Variants in GRK3 observed in about 807,000 individuals in gnomAD.
GRK3 encodes G protein-coupled receptor kinase 3, also known as adrenergic, beta, receptor kinase 2.
Under a neutral mutation model 95.7 loss-of-function variants are expected in GRK3, and 54 were observed. The observed-to-expected ratio is 0.56, with a 90% CI of 0.45 to 0.71. The LOEUF is 0.71. Ranked by LOEUF, GRK3 falls within the 30% of genes least tolerant of loss-of-function variation. The pLI, the probability that GRK3 is intolerant of heterozygous loss-of-function variation, is 0.00. For synonymous variants in GRK3, 281 were observed against 290.8 expected (o/e 0.97, Z 0.34); for missense variants, 649 against 851.2 (o/e 0.76, Z 2.96).
Position 25,565,136 on chromosome 22 carries a change from C to T in GRK3, c.96C>T (p.Ile32=). The T allele has an allele frequency of 1.3e-6, 2 of 1,537,770 alleles. No homozygotes were observed. Among genetic ancestry groups the T allele is most frequent in the Non-Finnish European group, 8.7e-7 (1 of 1,145,494 alleles). The change falls in exon 1 of 21, where the codon ATC becomes ATT. Residue 32 remains isoleucine (I), a synonymous_variant. Coordinates refer to ENST00000324198, the MANE Select transcript of GRK3 (RefSeq NM_005160.4). The part of the protein sequence containing the change: ...ATPAARASKR[I]VLPEPSIRSV... ...CGGCCGCCCGCGCCAGCAAGAGGAT[C>T]GTCCTGCCGGAGCCCAGGTACCAGC...
At chr22:25,678,577 C>A (rs1429135608) in intron 8 of GRK3, among the ~76,000 whole-genome samples, 2 of 152,232 alleles carry the variant, frequency 1.3e-5, no homozygotes, top group African/African-American at 4.8e-5. Flanking sequence ...TCTACTTTAT[C>A]ATTTATTTAA....
intron 9 of GRK3, among the ~76,000 whole-genome samples, chr22:25,682,967 A>G (rs2085086122): frequency 6.6e-6 from 1 of 152,234 alleles, no homozygotes; most frequent in South Asian, 2.1e-4. Context: ...TACAAGATTC[A>G]TCTGTGGTGT....
rs370128721 is a variant in GRK3, at chr22:25,599,500, G to A, written c.114-4877G>A. On this transcript the variant is annotated intron_variant, in intron 1 of 20. Coordinates refer to ENST00000324198, the MANE Select transcript of GRK3 (RefSeq NM_005160.4). ...TCAGCTACTCGGGAGGCTGAGGCAG[G>A]AGAATGATGTGAACCCGGGAGGCGG... Among the ~76,000 whole-genome samples, 96 of 151,358 alleles carry A rather than the reference G, an allele frequency of 6.3e-4. 2 individuals are homozygous for A. In the South Asian group the frequency reaches 0.017, roughly 27 times the overall value.
Position 25,695,202 on chromosome 22 carries a change from A to G in GRK3, c.1148A>G (p.Lys383Arg). Residue 383 changes from lysine (K) to arginine (R), a missense_variant, in exon 13 of 21, where the codon AAA (lysine) becomes AGA (arginine). Transcript: ENST00000324198. The part of the protein sequence containing the change: ...DWFSLGCMLF[K>R]LLRGHSPFRQ... ...TTCTCCCTGGGCTGCATGCTTTTCAAACTTCTGAGAGGGTGAGTTGAAATG... is the reference window on the plus strand; with the variant it reads ...TTCTCCCTGGGCTGCATGCTTTTCAGACTTCTGAGAGGGTGAGTTGAAATG... The G allele has an allele frequency of 1.9e-6, 3 of 1,613,828 alleles. No individual in the cohort carries two copies. Among genetic ancestry groups the G allele is most frequent in the East Asian group, 2.2e-5 (1 of 44,878 alleles).
intron 6 of GRK3, 97 bp from the exon 7 acceptor site, chr22:25,672,199 C>CTTAA: frequency 1.7e-6 from 1 of 598,254 alleles, no homozygotes. Context: ...TGACAAGCAA[C>CTTAA]CCAAGTAATG....
At chr22:25,674,734 G>A (rs2085013346) in intron 8 of GRK3, among the ~76,000 whole-genome samples, 1 of 152,172 alleles carries the variant, frequency 6.6e-6, no homozygotes, top group Non-Finnish European at 1.5e-5. Context: ...TGGATCACGA[G>A]GTCAGGAGAT....
At chr22:25,655,708 C>G (rs1052748395) in intron 3 of GRK3, among the ~76,000 whole-genome samples, 1 of 152,096 alleles carries the variant, frequency 6.6e-6, no homozygotes, top group Non-Finnish European at 1.5e-5. Flanking sequence ...TCAGCAAACC[C>G]TGAAGTATCT....
chr22:25,648,281 C>G (rs1180074710), intron 3 of GRK3: 1 of 883,074 alleles, frequency 1.1e-6, no homozygotes, highest in East Asian at 2.4e-5. Flanking sequence ...ATATCACAAC[C>G]AGAGAACAAC....
chr22:25,579,295 T>C (rs1291933681), intron 1 of GRK3, among the ~76,000 whole-genome samples: 1 of 151,224 alleles, frequency 6.6e-6, no homozygotes, highest in African/African-American at 2.4e-5. Context: ...TAAGGGCACA[T>C]GCTACCATGC....
At chr22:25,576,622 C>G (rs1931910165) in intron 1 of GRK3, among the ~76,000 whole-genome samples, 1 of 152,210 alleles carries the variant, frequency 6.6e-6, no homozygotes, top group Admixed American at 6.5e-5. Flanking sequence ...CAGGGAGAAG[C>G]TAATTGCTCA....
intron 2 of GRK3, among the ~76,000 whole-genome samples, chr22:25,607,097 T>C (rs1374821346): frequency 6.6e-6 from 1 of 152,200 alleles, no homozygotes; most frequent in African/African-American, 2.4e-5. Context: ...TGTGTGTGTG[T>C]GTATATATAT....
At chr22:25,658,072 G>A (rs902807649) in intron 3 of GRK3, among the ~76,000 whole-genome samples, 2 of 150,884 alleles carry the variant, frequency 1.3e-5, no homozygotes, top group African/African-American at 2.4e-5. Flanking sequence ...CTTTTTATTC[G>A]TTACATGAAT....
At position 25,710,016 on chromosome 22, in the gene GRK3, C is replaced by A. The variant is rs768488314; in HGVS notation, c.1395+52C>A. The A allele has an allele frequency of 4.6e-6, 6 of 1,313,102 alleles. No individual in the cohort carries two copies. The African/African-American group carries it at 7.2e-5, about 16-fold the overall frequency. The allele number at this position is 1,313,102 out of a possible 1,614,324, so 81.3% of individuals were successfully genotyped here. A position where few individuals can be genotyped will look rare whatever the true frequency, so the allele number is the denominator to read the frequency against. ...ACGGTACTGCCGCCCCGCCCTTACC[C>A]GCTCATCTCTGTCTCAGTTTCTGTC... On this transcript the variant is annotated intron_variant, in intron 16 of 20. Coordinates refer to ENST00000324198, the MANE Select transcript of GRK3 (RefSeq NM_005160.4).
At chr22:25,715,926 T>C (rs1265928003) in intron 18 of GRK3, among the ~76,000 whole-genome samples, 1 of 152,198 alleles carries the variant, frequency 6.6e-6, no homozygotes, top group East Asian at 1.9e-4. Flanking sequence ...ACCAAGGGAA[T>C]CCTGCATTCT....
chr22:25,647,410 T>C, intron 3 of GRK3: 1 of 1,327,586 alleles, frequency 7.5e-7, no homozygotes, highest in South Asian at 1.2e-5. Flanking sequence ...GGAACAGCAG[T>C]TAATTTCAGC....
In GRK3 at chr22:25,727,549, T is replaced by A. The variant is rs1452048338; in HGVS notation, c.*5099T>A. ...AGGCTCCCAAATTTTAAATTGCCTT[T>A]ATTAAAAACACAAACTACAGAAAAT... On this transcript the variant is annotated 3_prime_UTR_variant, in exon 21 of 21. Coordinates refer to ENST00000324198, the MANE Select transcript of GRK3 (RefSeq NM_005160.4). 2.0e-5 allele frequency: 3 copies of A among 152,234 alleles called. No individual in the cohort carries two copies. The highest frequency in any genetic ancestry group is 2.0e-4 in the Admixed American group (3 of 15,286). The allele number at this position is 152,234 out of a possible 1,614,324, so 9.4% of individuals were successfully genotyped here. A position where few individuals can be genotyped will look rare whatever the true frequency, so the allele number is the denominator to read the frequency against.
intron 1 of GRK3, among the ~76,000 whole-genome samples, chr22:25,595,533 G>A (rs763237788): frequency 2.6e-4 from 39 of 152,202 alleles, no homozygotes; most frequent in Non-Finnish European, 5.0e-4. Context: ...AATAGGGACT[G>A]AATAGTACAG....
chr22:25,604,151 G>A (rs1913631004), intron 1 of GRK3, among the ~76,000 whole-genome samples: 1 of 152,202 alleles, frequency 6.6e-6, no homozygotes, highest in Non-Finnish European at 1.5e-5. Context: ...ATTTTCTGCA[G>A]TTGAGTTTCT....
intron 7 of GRK3, among the ~76,000 whole-genome samples, chr22:25,672,994 A>T (rs992245694): frequency 3.8e-4 from 57 of 150,736 alleles, no homozygotes; most frequent in African/African-American, 1.4e-3. Context: ...AATTGGGCAA[A>T]ACAATCAACC....
Sources: gnomAD v4.1 joint callset for allele counts (sites outside exome capture counted in the v4.1 genomes callset) on GRCh38, gnomAD v4.1.1 for gene constraint, MANE v1.5 for transcripts, NCBI Gene and HGNC (gene_info 2026-07-23, HGNC 2026-07-21) for gene names.